Variants in PCSK6 observed in about 807,000 individuals in gnomAD.
PCSK6 encodes proprotein convertase subtilisin/kexin type 6.
A neutral mutation model predicts 123.3 loss-of-function variants in PCSK6; 85 were observed. That is an observed-to-expected ratio of 0.69 (90% confidence interval 0.58 to 0.83). PCSK6 has a LOEUF of 0.83. PCSK6 is among the 40% of genes least tolerant of loss of function. PCSK6 has a pLI of 0.00. For missense variants in PCSK6, 1,191 were observed against 1,282.3 expected, an observed-to-expected ratio of 0.93 and a Z score of 1.09; for synonymous variants, 508 against 516.0, an observed-to-expected ratio of 0.98 and a Z score of 0.21.
chr15:101,440,313 G>A (rs1431286098), intron 2 of PCSK6, among the ~76,000 whole-genome samples: 2 of 152,218 alleles, frequency 1.3e-5, no homozygotes, highest in Non-Finnish European at 1.5e-5. Context: ...TCAAGTAAAG[G>A]TAATTAAGAA....
In PCSK6 at chr15:101,384,388, C is replaced by T; in HGVS notation, c.1348G>A (p.Val450Met). 6.2e-7 allele frequency: 1 copy of T among 1,613,918 alleles called. No homozygotes were observed. Among genetic ancestry groups the T allele is most frequent in the Non-Finnish European group, 8.5e-7 (1 of 1,179,848 alleles). ...AGGTGGGCCGGCCGGGATGTCTTCACTAGCAGGTGCTGGACGTCCCTCCAG... is the reference window on the plus strand; with the variant it reads ...AGGTGGGCCGGCCGGGATGTCTTCATTAGCAGGTGCTGGACGTCCCTCCAG... ...LTWRDVQHLL[V>M]KTSRPAHLKA... The change falls in exon 10 of 22, where the codon GTG becomes ATG. Residue 450 changes from valine (V) to methionine (M), a missense_variant. Val to Met is a conservative substitution (Grantham distance 21). Around this residue, in one of 3 missense-constraint regions of PCSK6, gnomAD observed 357 missense variants for 484.5 expected, o/e 0.74. Transcript: ENST00000611716.
chr15:101,430,022 G>A lies in PCSK6; in HGVS notation c.699C>T (p.Asp233=). ...ASYDVNGNDY[D]PSPRYDASNE... ...TGCTGGCATCATATCGTGGAGATGGGTCATAATCATTGCCGTTCACGTCGT... is the reference window on the plus strand; with the variant it reads ...TGCTGGCATCATATCGTGGAGATGGATCATAATCATTGCCGTTCACGTCGT... The change falls in exon 5 of 22, where the codon GAC becomes GAT. Residue 233 remains aspartate, a synonymous_variant. Coordinates refer to ENST00000611716, the MANE Select transcript of PCSK6 (RefSeq NM_002570.5). 1.2e-6 allele frequency: 2 copies of A among 1,613,914 alleles called. No individual in the cohort carries two copies. Among genetic ancestry groups the A allele is most frequent in the Non-Finnish European group, 1.7e-6 (2 of 1,179,792 alleles).
At chr15:101,387,114 C>T (rs529930932) in intron 9 of PCSK6, among the ~76,000 whole-genome samples, 1 of 152,248 alleles carries the variant, frequency 6.6e-6, no homozygotes, top group Non-Finnish European at 1.5e-5. Context: ...CACCGTCTCT[C>T]CCCGTCCGTG....
chr15:101,484,204 G>A (rs1178438571), intron 1 of PCSK6, among the ~76,000 whole-genome samples: 2 of 152,002 alleles, frequency 1.3e-5, no homozygotes, highest in African/African-American at 4.8e-5. Flanking sequence ...ACACATAAGC[G>A]TGTGTTGTAA....
rs2141359408 is a variant in PCSK6 at position 101,324,955 on chromosome 15, T to C, written c.2272A>G (p.Ser758Gly). ...RCHKGCETCS[S>G]RAATQCLSCR... is the part of the protein sequence containing the mutation. ...GACAGGCACTGCGTCGCAGCTCTGC[T>C]GGAGCAGGTCTCACACCCCTTGTGG... The change falls in exon 17 of 22, where the codon AGC (serine) becomes GGC (glycine). Residue 758 changes from serine to glycine, a missense_variant. Physicochemically the swap from Ser to Gly is moderately conservative, Grantham distance 56. Coordinates refer to ENST00000611716, the MANE Select transcript of PCSK6 (RefSeq NM_002570.5). 1 of 1,613,400 alleles carries C rather than the reference T, an allele frequency of 6.2e-7. No homozygotes were observed. Among genetic ancestry groups the C allele is most frequent in the Non-Finnish European group, 8.5e-7 (1 of 1,179,882 alleles).
intron 11 of PCSK6, among the ~76,000 whole-genome samples, 186 bp downstream of exon 11, chr15:101,381,906 A>G (rs2041918740): frequency 6.6e-6 from 1 of 152,262 alleles, no homozygotes; most frequent in Admixed American, 6.5e-5. Flanking sequence ...TGGTGGCTTA[A>G]GAAGTGATTC....
chr15:101,307,251 A>C lies in PCSK6; in HGVS notation c.2774T>G (p.Leu925Arg), dbSNP rs777276043. Residue 925 changes from leucine (L) to arginine (R), a missense_variant, in exon 21 of 22, where the codon CTG becomes CGG. This residue lies in a region of PCSK6 where 630 missense variants were observed against 631.4 expected (regional missense o/e 1.00). Coordinates refer to ENST00000611716, the MANE Select transcript of PCSK6 (RefSeq NM_002570.5). ...CSRCKTGFTQ[L>R]GTSCITNHTC... Reference sequence around the variant, plus strand: ...GTGGTTGGTGATGCAGGAGGTCCCCAGCTGTGTGAAGCCCGTCTTACACCT... The same window carrying C: ...GTGGTTGGTGATGCAGGAGGTCCCCCGCTGTGTGAAGCCCGTCTTACACCT... The C allele has an allele frequency of 6.2e-7, 1 of 1,613,710 alleles. No individual in the cohort carries two copies. The highest frequency in any genetic ancestry group is 8.5e-7 in the Non-Finnish European group (1 of 1,179,820).
rs2039745123 is a variant in PCSK6, at chr15:101,307,245, G to A, written c.2780C>T (p.Thr927Ile). The change falls in exon 21 of 22, where the codon ACC (threonine) becomes ATC (isoleucine). Residue 927 changes from threonine (T) to isoleucine (I), a missense_variant. Transcript: ENST00000611716. ...GCACGTGTGGTTGGTGATGCAGGAG[G>A]TCCCCAGCTGTGTGAAGCCCGTCTT... ...RCKTGFTQLG[T>I]SCITNHTCSN... The A allele has an allele frequency of 2.5e-6, 4 of 1,613,778 alleles. No individual in the cohort carries two copies. Among genetic ancestry groups the A allele is most frequent in the South Asian group, 2.2e-5 (2 of 91,054 alleles).
In PCSK6 at chr15:101,318,391, C is replaced by G; in HGVS notation, c.2497G>C (p.Glu833Gln). 1.3e-6 allele frequency: 2 copies of G among 1,563,434 alleles called. No individual in the cohort carries two copies. Among genetic ancestry groups the G allele is most frequent in the Non-Finnish European group, 8.7e-7 (1 of 1,153,870 alleles). ...TCTGAGTCAAAGTAGGTGCCTGGCT[C>G]ACAGTCAGGAATGCAGCTGCCCCGT... ...LARGSCIPDCEPGTYFDSELI... is the reference protein window; with the variant it reads ...LARGSCIPDCQPGTYFDSELI... The change falls in exon 19 of 22, where the codon GAG (glutamate) becomes CAG (glutamine). Residue 833 changes from glutamate (E) to glutamine (Q), a missense_variant. Around this residue, in one of 3 missense-constraint regions of PCSK6, gnomAD observed 630 missense variants for 631.4 expected, o/e 1.00. Coordinates refer to ENST00000611716, the MANE Select transcript of PCSK6 (RefSeq NM_002570.5).
intron 1 of PCSK6, among the ~76,000 whole-genome samples, chr15:101,447,489 T>C (rs7164069): frequency 0.3 from 46,337 of 151,956 alleles, 8,287 homozygotes; most frequent in Non-Finnish European, 0.41. Flanking sequence ...AGCCTCCCCA[T>C]TCTGCTCACA....
intron 1 of PCSK6, among the ~76,000 whole-genome samples, chr15:101,487,395 C>G (rs965123655): frequency 1.3e-5 from 2 of 152,218 alleles, no homozygotes; most frequent in African/African-American, 4.8e-5. Context: ...GAGTGTGCAT[C>G]GGGGCGAATC....
At chr15:101,366,724 G>C (rs2041404891) in intron 12 of PCSK6, among the ~76,000 whole-genome samples, 2 of 152,194 alleles carry the variant, frequency 1.3e-5, no homozygotes, top group Non-Finnish European at 2.9e-5. Context: ...CATAACTCCA[G>C]TGCCCGGATG....
chr15:101,346,289 A>T (rs1251076457), intron 13 of PCSK6: 1 of 152,280 alleles, frequency 6.6e-6, no homozygotes, highest in African/African-American at 2.4e-5. Flanking sequence ...AAAAATGGAA[A>T]GCAATCTACA....
At chr15:101,415,225 G>A (rs2055846152) in intron 6 of PCSK6, among the ~76,000 whole-genome samples, 1 of 152,322 alleles carries the variant, frequency 6.6e-6, no homozygotes, top group South Asian at 2.1e-4. Flanking sequence ...CAGAACTTCT[G>A]AATGAACTTG....
intron 6 of PCSK6, among the ~76,000 whole-genome samples, chr15:101,403,463 T>A (rs1423232078): frequency 6.6e-6 from 1 of 151,852 alleles, no homozygotes; most frequent in East Asian, 1.9e-4. Flanking sequence ...ATGGAGGTAG[T>A]AACAATAACT....
intron 18 of PCSK6, 114 bp from the exon 19 acceptor site, chr15:101,318,536 G>A (rs2040046004): frequency 1.2e-6 from 1 of 851,388 alleles, no homozygotes; most frequent in Non-Finnish European, 1.9e-6. Flanking sequence ...AGTTCTTTGT[G>A]TCACCGAAAG....
chr15:101,485,319 T>C (rs1300209256), intron 1 of PCSK6, among the ~76,000 whole-genome samples: 1 of 152,236 alleles, frequency 6.6e-6, no homozygotes, highest in East Asian at 1.9e-4. Flanking sequence ...TTTATAGTTT[T>C]CAAAATAATC....
At chr15:101,361,772 T>C (rs1396140019) in intron 13 of PCSK6, among the ~76,000 whole-genome samples, 3 of 151,824 alleles carry the variant, frequency 2.0e-5, no homozygotes, top group African/African-American at 7.3e-5. Flanking sequence ...GGGTGGAGAG[T>C]GGCTCTAGCC....
chr15:101,359,810 G>C (rs1386940964), intron 13 of PCSK6, among the ~76,000 whole-genome samples: 1 of 152,240 alleles, frequency 6.6e-6, no homozygotes, highest in East Asian at 1.9e-4. Context: ...TATATAAACA[G>C]ATCTCCTTCC....
Sources: gnomAD v4.1 joint callset for allele counts (sites outside exome capture counted in the v4.1 genomes callset) on GRCh38, gnomAD v4.1.1 for gene constraint, gnomAD v4.1.1 regional missense constraint, MANE v1.5 for transcripts, NCBI Gene and HGNC (gene_info 2026-07-23, HGNC 2026-07-21) for gene names.